ERICH6: variants seen among roughly 807,000 people sequenced by gnomAD.
ERICH6 encodes the protein glutamate-rich protein 6.
Under a neutral mutation model 71.0 loss-of-function variants are expected in ERICH6, and 71 were observed. The ratio of observed to expected loss-of-function variants is 1.00; its 90% CI spans 0.83 to 1.22. The LOEUF is 1.22. ERICH6 is among the 50% of genes most tolerant of loss of function. ERICH6 has a pLI of 0.00. For missense variants in ERICH6, 808 were observed against 797.2 expected (o/e 1.01, Z -0.16); for synonymous variants, 262 against 278.4 (o/e 0.94, Z 0.59).
intron 13 of ERICH6, among the ~76,000 whole-genome samples, chr3:150,665,494 C>T (rs1459682009): frequency 8.4e-5 from 9 of 107,038 alleles, no homozygotes; most frequent in African/African-American, 1.5e-4. Flanking sequence ...TCCAGCCTGG[C>T]GACGGAGAGA....
At chr3:150,700,286 G>C (rs1201977012) in intron 2 of ERICH6, among the ~76,000 whole-genome samples, 2 of 139,236 alleles carry the variant, frequency 1.4e-5, no homozygotes, top group Non-Finnish European at 3.0e-5. Flanking sequence ...GTAGAGACGA[G>C]GTTTCACCAT....
At position 150,660,077 on chromosome 3, in the gene ERICH6, T is replaced by C. The variant is rs537767158; in HGVS notation, c.1807A>G (p.Ile603Val). 3.1e-6 allele frequency: 5 copies of C among 1,613,996 alleles called. No homozygotes were observed. The East Asian group carries it at 8.9e-5, about 29-fold the overall frequency. Reference protein sequence around the residue: ...DLLLLASLIKIRRLFHKLEGC... With the variant: ...DLLLLASLIKVRRLFHKLEGC... ...TCAAGTTTATGAAACAGGCGACGGA[T>C]CTTTATTAAACTGGCCAGCAGAAGA... Residue 603 changes from isoleucine (I) to valine (V), a missense_variant, in exon 14 of 14, where the codon ATC becomes GTC. Around this residue, in one of 3 missense-constraint regions of ERICH6, gnomAD observed 736 missense variants for 712.2 expected, o/e 1.03. Transcript: ENST00000295910.
chr3:150,684,835 T>C (rs1559917054), intron 6 of ERICH6, among the ~76,000 whole-genome samples: 1 of 151,848 alleles, frequency 6.6e-6, no homozygotes, highest in Non-Finnish European at 1.5e-5. Context: ...GTGAGACCCA[T>C]CTCTGCAAAA....
intron 3 of ERICH6, among the ~76,000 whole-genome samples, chr3:150,687,154 G>C (rs192052193): frequency 6.6e-6 from 1 of 152,130 alleles, no homozygotes; most frequent in African/African-American, 2.4e-5. Context: ...AGAAATTAAG[G>C]GTTATTTGAA....
intron 3 of ERICH6, among the ~76,000 whole-genome samples, chr3:150,695,694 T>A (rs1712631897): frequency 6.6e-6 from 1 of 151,320 alleles, no homozygotes; most frequent in African/African-American, 2.4e-5. Context: ...AAGACCCCAA[T>A]GGTTGGCTAC....
chr3:150,691,014 A>G (rs1187057166), intron 3 of ERICH6, among the ~76,000 whole-genome samples: 4 of 152,178 alleles, frequency 2.6e-5, no homozygotes, highest in Non-Finnish European at 5.9e-5. Context: ...CTCTAAACTA[A>G]TTTCCTCCCA....
At chr3:150,681,051 T>C (rs972847065) in intron 7 of ERICH6, 121 bp from the exon 8 acceptor site, 2 of 995,916 alleles carry the variant, frequency 2.0e-6, no homozygotes, top group Non-Finnish European at 1.4e-6. Context: ...TGGTAATAGC[T>C]TTATTAAGAT....
intron 13 of ERICH6, among the ~76,000 whole-genome samples, chr3:150,665,279 T>C (rs1281884283): frequency 6.6e-6 from 1 of 152,116 alleles, no homozygotes; most frequent in African/African-American, 2.4e-5. Flanking sequence ...TTCCTTCCTG[T>C]GTTGAATATT....
At chr3:150,674,162 T>C in intron 10 of ERICH6, 121 bp from the exon 11 acceptor site, 1 of 746,538 alleles carries the variant, frequency 1.3e-6, no homozygotes, top group Non-Finnish European at 2.2e-6. Flanking sequence ...ATTTAAATGT[T>C]GGCCCTGCTT....
At chr3:150,663,192 T>A (rs1355875245) in intron 13 of ERICH6, among the ~76,000 whole-genome samples, 1 of 152,122 alleles carries the variant, frequency 6.6e-6, no homozygotes, top group Non-Finnish European at 1.5e-5. Flanking sequence ...TAGGAGGCTA[T>A]TGCAATAATC....
rs79104645 is a variant in ERICH6, at chr3:150,667,014, C to A, written c.1501G>T (p.Val501Leu). ...SCYHPNGNVW[V>L]YINILGGQYS... Reference sequence around the variant, plus strand: ...TGACCTCCCAAGATATTGATGTATACCCTGGTCAGGAAGGAAATGTAAATA... The same window carrying A: ...TGACCTCCCAAGATATTGATGTATAACCTGGTCAGGAAGGAAATGTAAATA... The change falls in exon 13 of 14, where the codon GTA becomes TTA. Residue 501 changes from valine to leucine, a missense_variant and splice_region_variant. Coordinates refer to ENST00000295910, the MANE Select transcript of ERICH6 (RefSeq NM_152394.5). 4.9e-3 allele frequency: 7,827 copies of A among 1,611,298 alleles called. 298 individuals carry two copies. The African/African-American group carries it at 0.083, about 17-fold the overall frequency.
chr3:150,665,473 C>T (rs1395773968), intron 13 of ERICH6, among the ~76,000 whole-genome samples: 6 of 137,118 alleles, frequency 4.4e-5, no homozygotes, highest in Admixed American at 4.0e-4. Flanking sequence ...GCCAAGCTCG[C>T]ACCACTGCAC....
chr3:150,692,050 A>C (rs1196619009), intron 3 of ERICH6, among the ~76,000 whole-genome samples: 1 of 152,188 alleles, frequency 6.6e-6, no homozygotes, highest in Non-Finnish European at 1.5e-5. Flanking sequence ...TTTAATCATC[A>C]ATGTCAAAAG....
chr3:150,678,428 G>A lies in ERICH6; in HGVS notation c.1238C>T (p.Ser413Phe). 1 of 1,575,214 alleles carries A rather than the reference G, an allele frequency of 6.3e-7. No individual in the cohort carries two copies. Among genetic ancestry groups the A allele is most frequent in the South Asian group, 1.2e-5 (1 of 83,198 alleles). Reference protein sequence around the residue: ...NSNMSIICCDSRIACGKVVRN... With the variant: ...NSNMSIICCDFRIACGKVVRN... Reference sequence around the variant, plus strand: ...CATTACCTTTCCACATGCTATCCGAGAATCACAACAAATGATAGACATGTT... The same window carrying A: ...CATTACCTTTCCACATGCTATCCGAAAATCACAACAAATGATAGACATGTT... The change falls in exon 10 of 14, where the codon TCT becomes TTT. Residue 413 changes from serine (S) to phenylalanine (F), a missense_variant. Around this residue, in one of 3 missense-constraint regions of ERICH6, gnomAD observed 736 missense variants for 712.2 expected, o/e 1.03. Coordinates refer to ENST00000295910, the MANE Select transcript of ERICH6 (RefSeq NM_152394.5).
chr3:150,697,932 A>C (rs1712713492), intron 3 of ERICH6, among the ~76,000 whole-genome samples: 1 of 152,240 alleles, frequency 6.6e-6, no homozygotes, highest in African/African-American at 2.4e-5. Flanking sequence ...CTCTTGTTCT[A>C]GAAGGAGGCA....
At chr3:150,702,270 CTTTTTTTTTTT>C (rs63679260) in intron 1 of ERICH6, 92 bp from the exon 2 acceptor site, 17 of 163,904 alleles carry the variant, frequency 1.0e-4, no homozygotes, top group South Asian at 8.3e-4. Context: ...TGTCTGGAGA[CTTTTTTTTTTT>C]TTTTTTTTTT....
At chr3:150,685,696 T>C (rs1712152869) in intron 6 of ERICH6, 46 bp downstream of exon 6, 2 of 1,439,544 alleles carry the variant, frequency 1.4e-6, no homozygotes, top group African/African-American at 1.4e-5. Context: ...TGTTTTCTTA[T>C]GTCATTTTTT....
rs1711985663 is a variant in ERICH6, at chr3:150,682,115, T to C, written c.882+103A>G. ...CAGGTGTGAGCCATCAAGCCCGGCC[T>C]AACTCTTTTAAAAATGGCAATGCAG... On this transcript the variant is annotated intron_variant, in intron 7 of 13. Transcript: ENST00000295910. The C allele has an allele frequency of 4.9e-6, 5 of 1,018,754 alleles. No individual in the cohort carries two copies. The South Asian group carries it at 6.0e-5, about 12-fold the overall frequency. The allele number at this position is 1,018,754 out of a possible 1,614,324, so 63.1% of individuals were successfully genotyped here. A position where few individuals can be genotyped will look rare whatever the true frequency, so the allele number is the denominator to read the frequency against.
chr3:150,670,117 A>G (rs1187122851), intron 11 of ERICH6, among the ~76,000 whole-genome samples: 7 of 152,198 alleles, frequency 4.6e-5, no homozygotes, highest in Admixed American at 4.6e-4. Flanking sequence ...TGAAAGATTT[A>G]GTGCTTTCTT....
Sources: allele counts gnomAD v4.1 joint callset (sites outside exome capture counted in the v4.1 genomes callset), GRCh38; gene constraint gnomAD v4.1.1; regional missense constraint gnomAD v4.1.1; transcripts MANE v1.5; gene names NCBI Gene and HGNC (gene_info 2026-07-23, HGNC 2026-07-21).